ACTN2: variants seen among roughly 807,000 people sequenced by gnomAD.
The protein encoded by ACTN2 is actinin alpha 2.
ACTN2 carries 39 observed loss-of-function variants against 113.8 expected under a neutral mutation model. The ratio of observed to expected loss-of-function variants is 0.34; its 90% CI spans 0.27 to 0.45. ACTN2 has a LOEUF of 0.45. ACTN2 is among the 20% of genes least tolerant of loss of function. The probability of loss-of-function intolerance (pLI) is 1.00; values close to 1 mark genes in which losing one functional copy is unlikely to be tolerated. For synonymous variants in ACTN2, 429 were observed against 444.1 expected (o/e 0.97, Z 0.43); for missense variants, 992 against 1,177.9 (o/e 0.84, Z 2.31).
chr1:236,696,097 A>G (rs1034618196), intron 1 of ACTN2, among the ~76,000 whole-genome samples: 2 of 152,104 alleles, frequency 1.3e-5, no homozygotes, highest in African/African-American at 4.8e-5. Context: ...ACATCAGGTC[A>G]GGAGTTCGAG....
intron 7 of ACTN2, among the ~76,000 whole-genome samples, chr1:236,732,644 T>C (rs1474120636): frequency 6.6e-6 from 1 of 152,024 alleles, no homozygotes; most frequent in Non-Finnish European, 1.5e-5. Context: ...GGTTTCACCA[T>C]GTTGGCCAGG....
chr1:236,747,835 T>A, intron 13 of ACTN2, 60 bp downstream of exon 13: 1 of 1,250,278 alleles, frequency 8.0e-7, no homozygotes, highest in Non-Finnish European at 1.2e-6. Flanking sequence ...TTTAATTAAA[T>A]CACTGGTATT....
At chr1:236,757,746 CAG>C in intron 18 of ACTN2, 114 bp downstream of exon 18, 1 of 1,404,814 alleles carries the variant, frequency 7.1e-7, no homozygotes, top group East Asian at 2.3e-5. Context: ...TACAGGGAAA[CAG>C]GATAGTTAAT....
At chr1:236,750,571 G>A (rs1337711872) in intron 14 of ACTN2, among the ~76,000 whole-genome samples, 7 of 152,214 alleles carry the variant, frequency 4.6e-5, no homozygotes, top group African/African-American at 7.2e-5. Context: ...GGTGCTCCAC[G>A]AGGCAGTGAG....
chr1:236,750,387 C>A (rs1659360260), intron 14 of ACTN2, among the ~76,000 whole-genome samples: 1 of 152,132 alleles, frequency 6.6e-6, no homozygotes, highest in Admixed American at 6.5e-5. Context: ...TTGAAAGAGG[C>A]TCCGATGGTG....
chr1:236,703,553 G>C (rs1320502453), intron 1 of ACTN2, among the ~76,000 whole-genome samples: 1 of 149,114 alleles, frequency 6.7e-6, no homozygotes, highest in Non-Finnish European at 1.5e-5. Flanking sequence ...AGTTTGGGAA[G>C]AATCTTCATA....
chr1:236,747,642 C>G (rs367724489), intron 12 of ACTN2, 25 bp from the exon 13 acceptor site: 234 of 1,591,328 alleles, frequency 1.5e-4, no homozygotes, highest in Non-Finnish European at 1.9e-4. Flanking sequence ...GAAAGTTAAT[C>G]TTTATTTATT....
At chr1:236,708,536 A>G (rs1221878381) in intron 1 of ACTN2, among the ~76,000 whole-genome samples, 1 of 152,136 alleles carries the variant, frequency 6.6e-6, no homozygotes, top group Non-Finnish European at 1.5e-5. Flanking sequence ...ATTAGTGTAG[A>G]CTTTCTTGAT....
rs114009854 is a variant in ACTN2 at position 236,728,828 on chromosome 1, A to G, written c.615+1072A>G. 3.6e-3 allele frequency among the ~76,000 whole-genome samples: 546 copies of G among 152,218 alleles called. 3 individuals are homozygous for G. Among genetic ancestry groups the G allele is most frequent in the African/African-American group, 0.013 (524 of 41,568 alleles). On this transcript the variant is annotated intron_variant, in intron 6 of 20. Transcript: ENST00000366578. ...AGGCTTGCTTGAGCCCAGGAGTTTG[A>G]GGCTGCAGTGGACTGTGATCACACC...
intron 18 of ACTN2, among the ~76,000 whole-genome samples, chr1:236,759,512 T>C (rs1442674027): frequency 6.6e-6 from 1 of 152,178 alleles, no homozygotes; most frequent in Non-Finnish European, 1.5e-5. Flanking sequence ...TTTTGTCTGG[T>C]CTTTACCCTC....
intron 1 of ACTN2, among the ~76,000 whole-genome samples, chr1:236,700,067 C>T (rs1657629383): frequency 6.6e-6 from 1 of 152,216 alleles, no homozygotes; most frequent in Non-Finnish European, 1.5e-5. Context: ...CCAGACCCCA[C>T]ATTCTCCTTA....
intron 4 of ACTN2, among the ~76,000 whole-genome samples, chr1:236,721,194 T>A (rs1444467205): frequency 2.0e-5 from 3 of 151,290 alleles, no homozygotes; most frequent in African/African-American, 7.3e-5. Flanking sequence ...TGCTGGCTAA[T>A]TTTTCATATT....
chr1:236,715,412 C>G (rs1181344975), intron 1 of ACTN2, among the ~76,000 whole-genome samples: 3 of 149,128 alleles, frequency 2.0e-5, no homozygotes, highest in Non-Finnish European at 3.0e-5. Context: ...GTAATGAATT[C>G]TTATCATAAT....
At chr1:236,712,544 T>C (rs1236368613) in intron 1 of ACTN2, among the ~76,000 whole-genome samples, 1 of 152,142 alleles carries the variant, frequency 6.6e-6, no homozygotes, top group Non-Finnish European at 1.5e-5. Flanking sequence ...AAAAAGGTAA[T>C]ATCAACTCAG....
At chr1:236,709,269 CACATAT>C (rs1358653326) in intron 1 of ACTN2, among the ~76,000 whole-genome samples, 14 of 127,898 alleles carry the variant, frequency 1.1e-4, no homozygotes, top group African/African-American at 4.4e-4. Flanking sequence ...CACACACACA[CACATAT>C]ATATGTATAT....
rs869155855 is a variant in ACTN2, at chr1:236,721,015, GTT to G, written c.448+829_448+830del. On this transcript the variant is annotated intron_variant, in intron 4 of 20. Coordinates refer to ENST00000366578, the MANE Select transcript of ACTN2 (RefSeq NM_001103.4). ...ACAGTAGCCTCTGACTCTGGTTTTT[GTT>G]TTTTGTTTTTTTTTTTTTTTTTTTT... Among the ~76,000 whole-genome samples, 4 of 49,138 alleles carry G rather than the reference GTT, an allele frequency of 8.1e-5. 1 individual carries two copies. The highest frequency in any genetic ancestry group is 1.4e-4 in the Non-Finnish European group (4 of 29,432). The allele number at this position is 49,138 out of a possible 152,430, so 32.2% of individuals were successfully genotyped here.
chr1:236,734,277 G>C (rs912395884), intron 7 of ACTN2, among the ~76,000 whole-genome samples: 5 of 152,184 alleles, frequency 3.3e-5, no homozygotes, highest in African/African-American at 1.2e-4. Context: ...TCCCTTTGCA[G>C]GTGTGACTTC....
At chr1:236,751,852 G>A (rs1226065258) in intron 15 of ACTN2, among the ~76,000 whole-genome samples, 200 bp downstream of exon 15, 1 of 152,182 alleles carries the variant, frequency 6.6e-6, no homozygotes, top group Admixed American at 6.5e-5. Context: ...TGTGGGGAAA[G>A]AAAGCAGAGA....
intron 14 of ACTN2, 58 bp from the exon 15 acceptor site, chr1:236,751,412 G>A: frequency 1.9e-6 from 3 of 1,595,864 alleles, no homozygotes. Context: ...GAATATCAAA[G>A]CCTTTGAAAT....
Sources: allele counts gnomAD v4.1 joint callset (sites outside exome capture counted in the v4.1 genomes callset), GRCh38; gene constraint gnomAD v4.1.1; transcripts MANE v1.5; gene names NCBI Gene and HGNC (gene_info 2026-07-23, HGNC 2026-07-21).